The following HIVEP3 variants were observed in gnomAD, a reference collection of about 807,000 sequenced individuals.
HIVEP3 encodes transcription factor HIVEP3.
HIVEP3 carries 49 observed loss-of-function variants against 152.8 expected under a neutral mutation model. The observed-to-expected ratio is 0.32, with a 90% CI of 0.26 to 0.41. The LOEUF is 0.41. HIVEP3 is among the 10% of genes least tolerant of loss of function. HIVEP3 has a pLI of 1.00. For missense variants in HIVEP3, 2,790 were observed against 3,103.3 expected (o/e 0.90, Z 2.40); for synonymous variants, 1,269 against 1,289.0 (o/e 0.98, Z 0.33).
intron 1 of HIVEP3, among the ~76,000 whole-genome samples, chr1:41,720,306 A>G (rs759881596): frequency 6.6e-6 from 1 of 152,232 alleles, no homozygotes; most frequent in Non-Finnish European, 1.5e-5. Context: ...GGGAGATCCT[A>G]TAATTTTCCC....
chr1:41,647,818 G>A (rs551059348), intron 2 of HIVEP3, among the ~76,000 whole-genome samples: 55 of 152,342 alleles, frequency 3.6e-4, no homozygotes, highest in African/African-American at 1.1e-3. Context: ...ACTGGGATCC[G>A]CAGAACACTC....
intron 2 of HIVEP3, among the ~76,000 whole-genome samples, chr1:41,640,833 T>C (rs115505248): frequency 0.011 from 1,746 of 152,302 alleles, 41 homozygotes; most frequent in African/African-American, 0.04. Flanking sequence ...AAACTGAGGC[T>C]TTGAAAACAG....
chr1:41,837,848 A>T (rs1643171256), intron 1 of HIVEP3, among the ~76,000 whole-genome samples: 2 of 152,116 alleles, frequency 1.3e-5, no homozygotes, highest in Admixed American at 1.3e-4. Flanking sequence ...TCCACATGGC[A>T]CCACCTCTGG....
At chr1:42,022,668 T>C (rs547819101) in intron 1 of HIVEP3, among the ~76,000 whole-genome samples, 2 of 152,326 alleles carry the variant, frequency 1.3e-5, no homozygotes, top group South Asian at 4.1e-4. Context: ...TTTTAAACAA[T>C]TGTCTGGTTA....
chr1:41,747,396 AC>A (rs1475099531), intron 1 of HIVEP3, among the ~76,000 whole-genome samples: 44 of 152,288 alleles, frequency 2.9e-4, no homozygotes, highest in Admixed American at 2.4e-3. Context: ...GCAGCTGCCT[AC>A]CTCCAAAGCT....
rs184151331 is a variant in HIVEP3, at chr1:41,659,421, G to T, written c.-720-30474C>A. Among the ~76,000 whole-genome samples the T allele has an allele frequency of 6.6e-5, 10 of 152,212 alleles. No individual in the cohort carries two copies. The East Asian group carries it at 1.9e-3, about 29-fold the overall frequency. ...ATATTCATTATTTCTCTTCCCACTG[G>T]AATGCAAACTCCCTGAAAGAAGGGA... On this transcript the variant is annotated intron_variant, in intron 2 of 8. Transcript: ENST00000372583.
intron 5 of HIVEP3, among the ~76,000 whole-genome samples, chr1:41,531,717 G>GA (rs1643260948): frequency 1.1e-5 from 1 of 94,968 alleles, no homozygotes; most frequent in Non-Finnish European, 2.2e-5. Context: ...GGACAGGAGA[G>GA]ATGGAAGACA....
At position 41,651,592 on chromosome 1, in the gene HIVEP3, C is replaced by G. The variant is rs190908530; in HGVS notation, c.-720-22645G>C. Among the ~76,000 whole-genome samples the G allele has an allele frequency of 5.3e-5, 8 of 152,270 alleles. No homozygotes were observed. In the East Asian group the frequency reaches 1.5e-3, roughly 29 times the overall value. Reference sequence around the variant, plus strand: ...GATGTGTGTAGGTTATGTGCAAACACTACACCATTTTATATAAAGGACTTG... The same window carrying G: ...GATGTGTGTAGGTTATGTGCAAACAGTACACCATTTTATATAAAGGACTTG... On this transcript the variant is annotated intron_variant, in intron 2 of 8. Transcript: ENST00000372583.
intron 1 of HIVEP3, among the ~76,000 whole-genome samples, chr1:41,819,398 T>C (rs1642520934): frequency 6.6e-6 from 1 of 152,108 alleles, no homozygotes; most frequent in South Asian, 2.1e-4. Flanking sequence ...CTCTTTTCTA[T>C]TGTCTCTTTA....
intron 2 of HIVEP3, among the ~76,000 whole-genome samples, chr1:41,639,736 G>C (rs1337615200): frequency 6.6e-6 from 1 of 152,194 alleles, no homozygotes; most frequent in Non-Finnish European, 1.5e-5. Flanking sequence ...TGAGAATGCT[G>C]TGACATGCAG....
At chr1:41,893,016 G>A (rs896083223) in intron 1 of HIVEP3, among the ~76,000 whole-genome samples, 11 of 151,594 alleles carry the variant, frequency 7.3e-5, no homozygotes, top group Admixed American at 2.0e-4. Context: ...CCAGCTACTC[G>A]GGAGGCTGAG....
At chr1:41,537,611 C>G (rs1390022689) in intron 5 of HIVEP3, among the ~76,000 whole-genome samples, 2 of 152,200 alleles carry the variant, frequency 1.3e-5, no homozygotes, top group African/African-American at 2.4e-5. Context: ...GGTGGTACAG[C>G]CTGCTGAGCT....
rs1244184204 is a variant in HIVEP3, at chr1:42,028,180, T to A, written n.119+7627A>T. 3.3e-5 allele frequency among the ~76,000 whole-genome samples: 5 copies of A among 152,356 alleles called. No homozygotes were observed. The South Asian group carries it at 6.2e-4, about 19-fold the overall frequency. ...ATTTATTATTATCTAATATATTTTA[T>A]TTTTTGTTGTTGTTGTTGTTTAGCG... On this transcript the variant is annotated intron_variant and non_coding_transcript_variant, in intron 1 of 3. Transcript: ENST00000489103.
At chr1:42,032,127 G>A (rs1325568655) in intron 1 of HIVEP3, among the ~76,000 whole-genome samples, 4 of 152,148 alleles carry the variant, frequency 2.6e-5, no homozygotes, top group Admixed American at 1.3e-4. Flanking sequence ...TACAAAATCA[G>A]AAAAAAGCGC....
At chr1:41,915,046 T>C (rs774390862) in intron 1 of HIVEP3, among the ~76,000 whole-genome samples, 3 of 152,190 alleles carry the variant, frequency 2.0e-5, no homozygotes, top group Non-Finnish European at 2.9e-5. Flanking sequence ...ATAGTTGTAA[T>C]ATAATTTTGA....
At chr1:41,640,588 A>G (rs1645357988) in intron 2 of HIVEP3, among the ~76,000 whole-genome samples, 2 of 152,190 alleles carry the variant, frequency 1.3e-5, no homozygotes, top group South Asian at 2.1e-4. Flanking sequence ...CTAGCAGGGA[A>G]GATAGATAAG....
intron 1 of HIVEP3, among the ~76,000 whole-genome samples, chr1:41,828,792 A>G (rs1196102224): frequency 1.3e-5 from 2 of 152,226 alleles, no homozygotes; most frequent in Non-Finnish European, 2.9e-5. Context: ...CACCCTGGCC[A>G]GTCTCCTAAT....
intron 2 of HIVEP3, among the ~76,000 whole-genome samples, chr1:41,630,488 T>C (rs1645177864): frequency 6.6e-6 from 1 of 152,142 alleles, no homozygotes; most frequent in African/African-American, 2.4e-5. Flanking sequence ...GTCAGAGAGA[T>C]TAGGGTCTGG....
intron 1 of HIVEP3, among the ~76,000 whole-genome samples, chr1:41,783,275 G>A (rs1649157827): frequency 6.6e-6 from 1 of 152,162 alleles, no homozygotes; most frequent in Non-Finnish European, 1.5e-5. Flanking sequence ...AGCCACAGGA[G>A]GAAGGCTGGC....
Sources: allele counts gnomAD v4.1 joint callset (sites outside exome capture counted in the v4.1 genomes callset), GRCh38; gene constraint gnomAD v4.1.1; transcripts MANE v1.5; gene names NCBI Gene and HGNC (gene_info 2026-07-23, HGNC 2026-07-21).